LINGO2: variants seen among roughly 807,000 people sequenced by gnomAD.
The protein encoded by LINGO2 is leucine-rich repeat and immunoglobulin-like domain-containing nogo receptor-interacting protein 2.
Under a neutral mutation model 30.6 loss-of-function variants are expected in LINGO2, and 14 were observed. The observed-to-expected ratio is 0.46, with a 90% CI of 0.30 to 0.72. LINGO2 has a LOEUF of 0.72. Among genes scored for constraint, LINGO2 ranks in the 30% least tolerant of loss-of-function variants. The pLI is 0.07. For missense variants in LINGO2, 729 were observed against 751.7 expected, an observed-to-expected ratio of 0.97 and a Z score of 0.35; for synonymous variants, 317 against 288.5, an observed-to-expected ratio of 1.10 and a Z score of -1.00.
At chr9:28,918,228 A>G in the LINGO2 span, among the ~76,000 whole-genome samples, 482 of 152,284 alleles carry the variant, frequency 3.2e-3, 2 homozygotes, top group African/African-American at 0.011. Flanking sequence ...AATGAGGAAG[A>G]TGCAAAAGCG....
intron 4 of LINGO2, among the ~76,000 whole-genome samples, chr9:28,106,161 T>A (rs1328815620): frequency 6.6e-6 from 1 of 152,064 alleles, no homozygotes; most frequent in Non-Finnish European, 1.5e-5. Flanking sequence ...AACACCCCCT[T>A]ACCCCTCCGA....
chr9:29,110,089 A>T, the LINGO2 span, among the ~76,000 whole-genome samples: 1 of 151,894 alleles, frequency 6.6e-6, no homozygotes, highest in South Asian at 2.1e-4. Flanking sequence ...TTCTCACTTA[A>T]AGAACTAGGC....
chr9:28,617,497 G>A (rs1347377786), intron 1 of LINGO2, among the ~76,000 whole-genome samples: 6 of 151,818 alleles, frequency 4.0e-5, no homozygotes, highest in Non-Finnish European at 5.9e-5. Context: ...GGGTTTCACC[G>A]TGTTAGTCAG....
chr9:29,131,138 A>C, the LINGO2 span, among the ~76,000 whole-genome samples: 1 of 152,140 alleles, frequency 6.6e-6, no homozygotes, highest in African/African-American at 2.4e-5. Flanking sequence ...CCTTTGTAAC[A>C]ATTAAGGAAA....
intron 4 of LINGO2, among the ~76,000 whole-genome samples, chr9:28,084,255 T>C (rs890689511): frequency 6.6e-6 from 1 of 152,148 alleles, no homozygotes; most frequent in Non-Finnish European, 1.5e-5. Context: ...TCTAATTATG[T>C]TCTTTGTTTT....
chr9:28,611,804 T>G (rs1209845668), intron 1 of LINGO2, among the ~76,000 whole-genome samples: 2 of 138,158 alleles, frequency 1.4e-5, no homozygotes, highest in Non-Finnish European at 3.0e-5. Flanking sequence ...TATTTATGTA[T>G]TTATTTTATT....
the LINGO2 span, among the ~76,000 whole-genome samples, chr9:28,940,754 C>T: frequency 1.3e-5 from 2 of 152,158 alleles, no homozygotes; most frequent in African/African-American, 4.8e-5. Context: ...ACAGGACTTT[C>T]ATTACTGCAA....
the LINGO2 span, among the ~76,000 whole-genome samples, chr9:29,111,163 A>G: frequency 6.6e-6 from 1 of 152,224 alleles, no homozygotes. Flanking sequence ...TTTTTTAAAT[A>G]AAATTTCCTT....
At chr9:28,435,828 C>A (rs1823899123) in intron 2 of LINGO2, among the ~76,000 whole-genome samples, 1 of 152,064 alleles carries the variant, frequency 6.6e-6, no homozygotes, top group African/African-American at 2.4e-5. Flanking sequence ...TAATAAAAAT[C>A]AATACAAAAG....
intron 1 of LINGO2, among the ~76,000 whole-genome samples, chr9:28,634,561 C>T (rs1337147211): frequency 1.3e-5 from 2 of 149,282 alleles, no homozygotes; most frequent in Non-Finnish European, 3.0e-5. Context: ...TCTCAGCTCA[C>T]TGCAACCACC....
chr9:29,166,973 T>C, the LINGO2 span, among the ~76,000 whole-genome samples: 3 of 152,256 alleles, frequency 2.0e-5, no homozygotes, highest in South Asian at 6.2e-4. Context: ...TTATTTTTAA[T>C]AAGAGGTTTT....
intron 4 of LINGO2, among the ~76,000 whole-genome samples, chr9:28,074,075 T>G (rs1055738945): frequency 6.6e-6 from 1 of 152,174 alleles, no homozygotes; most frequent in Non-Finnish European, 1.5e-5. Context: ...GTTGACTAAT[T>G]GCATTGAGGG....
chr9:28,809,041 T>C, the LINGO2 span, among the ~76,000 whole-genome samples: 5 of 152,176 alleles, frequency 3.3e-5, no homozygotes, highest in Non-Finnish European at 1.5e-5. Context: ...GACATAGATA[T>C]AGGGGGCATG....
At chr9:29,179,331 G>C in the LINGO2 span, among the ~76,000 whole-genome samples, 1 of 151,384 alleles carries the variant, frequency 6.6e-6, no homozygotes, top group Non-Finnish European at 1.5e-5. Context: ...AAACACAGTT[G>C]CATTCTCAAT....
chr9:28,141,759 C>T (rs1004821366), intron 4 of LINGO2, among the ~76,000 whole-genome samples: 3 of 152,004 alleles, frequency 2.0e-5, no homozygotes, highest in Admixed American at 2.0e-4. Context: ...TAGTGAGATA[C>T]AAAAAAATTA....
At chr9:28,173,671 T>C (rs1206992785) in intron 4 of LINGO2, among the ~76,000 whole-genome samples, 2 of 152,242 alleles carry the variant, frequency 1.3e-5, no homozygotes, top group Non-Finnish European at 2.9e-5. Flanking sequence ...TGCCACACTG[T>C]CTTTGTGACC....
At chr9:28,321,857 T>C (rs560364920) in intron 3 of LINGO2, among the ~76,000 whole-genome samples, 28 of 152,200 alleles carry the variant, frequency 1.8e-4, no homozygotes, top group East Asian at 9.7e-4. Context: ...ATAAATTCCA[T>C]TGGATGTTAG....
At chr9:28,962,818 T>G in the LINGO2 span, among the ~76,000 whole-genome samples, 1 of 151,730 alleles carries the variant, frequency 6.6e-6, no homozygotes, top group Admixed American at 6.6e-5. Context: ...CTTACTTTAA[T>G]CTTAAACATA....
rs1049936843 is a variant in LINGO2 at position 28,280,460 on chromosome 9, G to T, written c.-87+14748C>A. On this transcript the variant is annotated intron_variant, in intron 4 of 5. Transcript: ENST00000379992. ...TTAAGATCTTACAAATAAACACTAGGAACTAATAGTAGTTATTAACATTTC... is the reference window on the plus strand; with the variant it reads ...TTAAGATCTTACAAATAAACACTAGTAACTAATAGTAGTTATTAACATTTC... Among the ~76,000 whole-genome samples the T allele has an allele frequency of 1.8e-3, 274 of 152,178 alleles. 3 individuals are homozygous for T. The highest frequency in any genetic ancestry group is 4.1e-4 in the Non-Finnish European group (28 of 67,984).
Sources: allele counts gnomAD v4.1 joint callset (sites outside exome capture counted in the v4.1 genomes callset), GRCh38; gene constraint gnomAD v4.1.1; transcripts MANE v1.5; gene names NCBI Gene and HGNC (gene_info 2026-07-23, HGNC 2026-07-21).